The following LRP1B variants were observed in gnomAD, a reference collection of about 807,000 sequenced individuals.
LRP1B encodes the protein LDL receptor related protein 1B, also known as low-density lipoprotein receptor-related protein 1B.
LRP1B carries 217 observed loss-of-function variants against 556.6 expected under a neutral mutation model. The observed-to-expected ratio is 0.39, with a 90% CI of 0.35 to 0.44. The LOEUF (loss-of-function observed/expected upper bound fraction) is 0.44, where lower values mean the gene tolerates loss of function less well. LRP1B is among the 20% of genes least tolerant of loss of function. The pLI is 1.00. For synonymous variants in LRP1B, 2,047 were observed against 1,865.8 expected (o/e 1.10, Z -2.50); for missense variants, 5,053 against 5,620.8 (o/e 0.90, Z 3.23).
intron 7 of LRP1B, among the ~76,000 whole-genome samples, chr2:141,160,369 A>G (rs1679962452): frequency 6.6e-6 from 1 of 152,146 alleles, no homozygotes; most frequent in Non-Finnish European, 1.5e-5. Flanking sequence ...GTTAAACATG[A>G]ATTTACCATA....
intron 7 of LRP1B, among the ~76,000 whole-genome samples, chr2:141,167,585 T>C (rs1215951044): frequency 2.0e-5 from 3 of 151,928 alleles, no homozygotes; most frequent in Non-Finnish European, 4.4e-5. Context: ...ATGACCAATG[T>C]ATAATCATAT....
Position 141,295,601 on chromosome 2 carries a change from G to A in LRP1B, c.344-40960C>T, listed in dbSNP as rs981797266. Among the ~76,000 whole-genome samples, 8 of 152,078 alleles carry A rather than the reference G, an allele frequency of 5.3e-5. No individual in the cohort carries two copies. In the South Asian group the frequency reaches 1.7e-3, roughly 31 times the overall value. On this transcript the variant is annotated intron_variant, in intron 3 of 90. Coordinates refer to ENST00000389484, the MANE Select transcript of LRP1B (RefSeq NM_018557.3). Reference sequence around the variant, plus strand: ...TAACTCTACCTTGATCTGTTGAAGTGAGGCATGAGATTCAGTAGGACACTG... The same window carrying A: ...TAACTCTACCTTGATCTGTTGAAGTAAGGCATGAGATTCAGTAGGACACTG...
rs961139378 is a variant in LRP1B, at chr2:141,164,389, G to A, written c.1013+24032C>T. Among the ~76,000 whole-genome samples, 9 of 152,094 alleles carry A rather than the reference G, an allele frequency of 5.9e-5. No individual in the cohort carries two copies. In the East Asian group the frequency reaches 1.7e-3, roughly 29 times the overall value. On this transcript the variant is annotated intron_variant, in intron 7 of 90. Coordinates refer to ENST00000389484, the MANE Select transcript of LRP1B (RefSeq NM_018557.3). ...ATGGTCACACTAAATAGCCTAAACT[G>A]ATGAATAAAAAACTAGCAAACATAT...
At chr2:140,657,829 T>A (rs954421449) in intron 41 of LRP1B, among the ~76,000 whole-genome samples, 1 of 151,952 alleles carries the variant, frequency 6.6e-6, no homozygotes, top group Non-Finnish European at 1.5e-5. Flanking sequence ...TATTTACTGA[T>A]GTAATAGCCT....
chr2:140,301,556 T>C (rs1300702306), intron 83 of LRP1B, among the ~76,000 whole-genome samples: 1 of 152,104 alleles, frequency 6.6e-6, no homozygotes, highest in Non-Finnish European at 1.5e-5. Context: ...ATCATAAAAA[T>C]CACATTCCAA....
intron 1 of LRP1B, among the ~76,000 whole-genome samples, chr2:142,047,304 G>T (rs1704294564): frequency 4.0e-5 from 6 of 151,872 alleles, no homozygotes. Flanking sequence ...GTCTTTGCTT[G>T]TTCCCATGTG....
At chr2:141,371,509 C>T (rs1438183209) in intron 3 of LRP1B, among the ~76,000 whole-genome samples, 3 of 152,260 alleles carry the variant, frequency 2.0e-5, no homozygotes, top group South Asian at 2.1e-4. Context: ...TCCATGACCA[C>T]GGGATGTTAT....
chr2:140,569,316 G>T (rs1008703414), intron 43 of LRP1B, among the ~76,000 whole-genome samples: 1 of 151,858 alleles, frequency 6.6e-6, no homozygotes, highest in African/African-American at 2.4e-5. Flanking sequence ...TACTTAAAAA[G>T]GAATTTCTTT....
intron 3 of LRP1B, among the ~76,000 whole-genome samples, chr2:141,294,140 G>C (rs1381736003): frequency 6.6e-6 from 1 of 152,096 alleles, no homozygotes; most frequent in Non-Finnish European, 1.5e-5. Flanking sequence ...AATTATGAGA[G>C]TAGAGGTGAC....
chr2:140,551,070 C>G lies in LRP1B; in HGVS notation c.7195-9099G>C, dbSNP rs373146041. 6.6e-5 allele frequency among the ~76,000 whole-genome samples: 10 copies of G among 152,252 alleles called. No individual in the cohort carries two copies. The South Asian group carries it at 8.3e-4, about 13-fold the overall frequency. On this transcript the variant is annotated intron_variant, in intron 43 of 90. Coordinates refer to ENST00000389484, the MANE Select transcript of LRP1B (RefSeq NM_018557.3). ...GGTAAAGCCATCACTAGACCCTCAT[C>G]ATGCTGACACCTTGAACTCACATTT...
intron 41 of LRP1B, among the ~76,000 whole-genome samples, chr2:140,660,463 G>A (rs1391443949): frequency 1.3e-5 from 2 of 151,902 alleles, no homozygotes; most frequent in Non-Finnish European, 2.9e-5. Flanking sequence ...TATAAATGCT[G>A]TATAAGTTAA....
chr2:140,523,444 T>A (rs185047069), intron 49 of LRP1B, among the ~76,000 whole-genome samples: 1 of 152,024 alleles, frequency 6.6e-6, no homozygotes, highest in East Asian at 1.9e-4. Context: ...GTGCAAAAGC[T>A]GGAATCATTC....
At chr2:140,830,742 T>C (rs548820980) in intron 31 of LRP1B, among the ~76,000 whole-genome samples, 1 of 152,148 alleles carries the variant, frequency 6.6e-6, no homozygotes, top group South Asian at 2.1e-4. Context: ...GTACTGGACG[T>C]CCTAGCAAAC....
chr2:140,411,594 G>A (rs1210393987), intron 66 of LRP1B, among the ~76,000 whole-genome samples: 1 of 152,018 alleles, frequency 6.6e-6, no homozygotes, highest in East Asian at 1.9e-4. Flanking sequence ...CACACTGCTA[G>A]TTAGTTGGTG....
Position 140,372,487 on chromosome 2 carries a change from G to A in LRP1B, c.10768+521C>T, listed in dbSNP as rs947560571. Among the ~76,000 whole-genome samples, 3 of 152,112 alleles carry A rather than the reference G, an allele frequency of 2.0e-5. 1 individual carries two copies. Among genetic ancestry groups the A allele is most frequent in the African/African-American group, 2.4e-5 (1 of 41,526 alleles). On this transcript the variant is annotated intron_variant, in intron 69 of 90. Coordinates refer to ENST00000389484, the MANE Select transcript of LRP1B (RefSeq NM_018557.3). ...TAATTAAAAAATGAAGTGTTTTAAT[G>A]AGTATATTTGTAGAGACACCTAGCA...
At chr2:141,904,234 G>A (rs139914241) in intron 1 of LRP1B, among the ~76,000 whole-genome samples, 1 of 152,008 alleles carries the variant, frequency 6.6e-6, no homozygotes, top group African/African-American at 2.4e-5. Flanking sequence ...TTGGGAGGCT[G>A]TTTATGTAGT....
intron 6 of LRP1B, among the ~76,000 whole-genome samples, chr2:141,203,074 G>T (rs148472227): frequency 6.6e-6 from 1 of 152,110 alleles, no homozygotes; most frequent in African/African-American, 2.4e-5. Flanking sequence ...GGTACCAGCC[G>T]CTGCAAAAAC....
Position 142,099,707 on chromosome 2 carries a change from G to A in LRP1B, c.82+30941C>T, listed in dbSNP as rs945660646. Among the ~76,000 whole-genome samples, 15 of 151,982 alleles carry A rather than the reference G, an allele frequency of 9.9e-5. No homozygotes were observed. In the East Asian group the frequency reaches 2.7e-3, roughly 28 times the overall value. ...CTTCATTCTTAGGCTTAGACATCAA[G>A]TGGTAATAATAAACCCCTTTCTTCA... On this transcript the variant is annotated intron_variant, in intron 1 of 90. Transcript: ENST00000389484.
At chr2:141,697,455 A>G (rs1344723425) in intron 2 of LRP1B, among the ~76,000 whole-genome samples, 1 of 151,992 alleles carries the variant, frequency 6.6e-6, no homozygotes, top group African/African-American at 2.4e-5. Flanking sequence ...TGTTACTTTC[A>G]TATTACATTG....
Sources: gnomAD v4.1 joint callset for allele counts (sites outside exome capture counted in the v4.1 genomes callset) on GRCh38, gnomAD v4.1.1 for gene constraint, MANE v1.5 for transcripts, NCBI Gene and HGNC (gene_info 2026-07-23, HGNC 2026-07-21) for gene names.